ARHGAP15: variants seen among roughly 807,000 people sequenced by gnomAD.
The protein encoded by ARHGAP15 is Rho GTPase activating protein 15.
ARHGAP15 carries 51 observed loss-of-function variants against 63.7 expected under a neutral mutation model. The observed-to-expected ratio is 0.80, with a 90% CI of 0.64 to 1.01. The LOEUF is 1.01. Ranked by LOEUF, ARHGAP15 falls within the 50% of genes least tolerant of loss-of-function variation. The pLI, the probability that ARHGAP15 is intolerant of heterozygous loss-of-function variation, is 0.00. For synonymous variants in ARHGAP15, 191 were observed against 193.8 expected (o/e 0.99, Z 0.12); for missense variants, 560 against 564.6 (o/e 0.99, Z 0.08).
chr2:143,703,400 T>A lies in ARHGAP15; in HGVS notation c.1139-19T>A, dbSNP rs780357241. 4 of 1,592,952 alleles carry A rather than the reference T, an allele frequency of 2.5e-6. No homozygotes were observed. The highest frequency in any genetic ancestry group is 2.6e-6 in the Non-Finnish European group (3 of 1,172,870). On this transcript the variant is annotated intron_variant, in intron 12 of 13. Transcript: ENST00000295095. ...AATCTTGTTTTTTCCCTAACCTTCC[T>A]TTTTATTTTTTTTTCCAGAAAAGCA...
At chr2:143,629,986 C>G (rs889969167) in intron 12 of ARHGAP15, among the ~76,000 whole-genome samples, 4 of 152,066 alleles carry the variant, frequency 2.6e-5, no homozygotes, top group Non-Finnish European at 5.9e-5. Flanking sequence ...TTGTATATTG[C>G]CTTGAGCAAT....
chr2:143,197,445 T>G (rs962266653), intron 2 of ARHGAP15, among the ~76,000 whole-genome samples: 6 of 151,684 alleles, frequency 4.0e-5, no homozygotes, highest in Non-Finnish European at 7.4e-5. Flanking sequence ...TAGGAGAGAC[T>G]TTTTTCCCTT....
intron 12 of ARHGAP15, among the ~76,000 whole-genome samples, chr2:143,669,263 A>T (rs1014901543): frequency 1.3e-5 from 2 of 152,198 alleles, no homozygotes; most frequent in South Asian, 2.1e-4. Flanking sequence ...CTTGTGTTCA[A>T]ACTTCACCTG....
intron 4 of ARHGAP15, among the ~76,000 whole-genome samples, chr2:143,225,504 G>A (rs1355532002): frequency 6.6e-6 from 1 of 152,170 alleles, no homozygotes; most frequent in Non-Finnish European, 1.5e-5. Context: ...GGGAGGCTGA[G>A]GCAGGAGAAT....
intron 12 of ARHGAP15, among the ~76,000 whole-genome samples, chr2:143,629,573 A>G (rs1208172289): frequency 6.6e-6 from 1 of 152,164 alleles, no homozygotes; most frequent in East Asian, 1.9e-4. Flanking sequence ...GAAATGTACT[A>G]ACTTTACCAC....
intron 12 of ARHGAP15, among the ~76,000 whole-genome samples, chr2:143,670,650 T>C (rs1682473265): frequency 6.6e-6 from 1 of 152,160 alleles, no homozygotes; most frequent in African/African-American, 2.4e-5. Context: ...CCTACCACCT[T>C]AGACCAAATT....
At chr2:143,145,465 A>G (rs1689544042) in intron 1 of ARHGAP15, among the ~76,000 whole-genome samples, 1 of 151,940 alleles carries the variant, frequency 6.6e-6, no homozygotes. Context: ...TCCTTTGTGG[A>G]TAATTGAGCT....
At chr2:143,676,897 A>C (rs977949044) in intron 12 of ARHGAP15, among the ~76,000 whole-genome samples, 2 of 152,264 alleles carry the variant, frequency 1.3e-5, no homozygotes, top group African/African-American at 4.8e-5. Flanking sequence ...AAACAAAAAA[A>C]CCCTCAATAT....
At chr2:143,732,336 T>A (rs1206683409) in intron 13 of ARHGAP15, among the ~76,000 whole-genome samples, 1 of 152,258 alleles carries the variant, frequency 6.6e-6, no homozygotes, top group Non-Finnish European at 1.5e-5. Flanking sequence ...TTTGGAATAC[T>A]ACCTTCATCC....
At chr2:143,713,980 G>T (rs922364172) in intron 13 of ARHGAP15, among the ~76,000 whole-genome samples, 1 of 152,108 alleles carries the variant, frequency 6.6e-6, no homozygotes. Flanking sequence ...ACCATTCTGG[G>T]GTCTGGAGGA....
intron 6 of ARHGAP15, among the ~76,000 whole-genome samples, chr2:143,258,117 TA>T: frequency 6.6e-6 from 1 of 152,164 alleles, no homozygotes; most frequent in African/African-American, 2.4e-5. Context: ...AGCTTGTCCA[TA>T]AGGATGACAC....
At chr2:143,433,335 G>A (rs1413806386) in intron 6 of ARHGAP15, among the ~76,000 whole-genome samples, 1 of 152,038 alleles carries the variant, frequency 6.6e-6, no homozygotes, top group East Asian at 1.9e-4. Context: ...GAGAGCAGTA[G>A]CAGACTTCTC....
chr2:143,693,723 ATAGT>A (rs1211674798), intron 12 of ARHGAP15, among the ~76,000 whole-genome samples: 3 of 152,210 alleles, frequency 2.0e-5, no homozygotes, highest in Non-Finnish European at 4.4e-5. Context: ...TAGGACGTTG[ATAGT>A]TAGGGATAGA....
At chr2:143,321,397 A>G (rs1421534448) in intron 6 of ARHGAP15, among the ~76,000 whole-genome samples, 2 of 152,244 alleles carry the variant, frequency 1.3e-5, no homozygotes, top group Non-Finnish European at 2.9e-5. Flanking sequence ...ATTTATAAAC[A>G]GTTTTGCTCT....
intron 1 of ARHGAP15, among the ~76,000 whole-genome samples, chr2:143,145,542 A>C (rs1485754969): frequency 1.3e-5 from 2 of 152,036 alleles, no homozygotes; most frequent in Non-Finnish European, 2.9e-5. Flanking sequence ...GTTGATAACA[A>C]TCTGCAAATC....
intron 13 of ARHGAP15, among the ~76,000 whole-genome samples, chr2:143,749,004 G>A (rs2105522351): frequency 6.6e-6 from 1 of 152,060 alleles, no homozygotes; most frequent in East Asian, 1.9e-4. Context: ...TTTTGAGAGG[G>A]GGAAAAAAAT....
chr2:143,189,502 CT>C (rs771848951), intron 2 of ARHGAP15, among the ~76,000 whole-genome samples: 427 of 140,098 alleles, frequency 3.0e-3, no homozygotes, highest in Middle Eastern at 3.9e-3. Flanking sequence ...TTCTTTCTTT[CT>C]TTTTTTTTTT....
At chr2:143,243,022 C>A (rs531006479) in intron 5 of ARHGAP15, among the ~76,000 whole-genome samples, 1 of 152,126 alleles carries the variant, frequency 6.6e-6, no homozygotes, top group Non-Finnish European at 1.5e-5. Flanking sequence ...AAAATCCGAG[C>A]TTTGTCTCTC....
At chr2:143,487,949 G>T (rs1692401900) in intron 9 of ARHGAP15, among the ~76,000 whole-genome samples, 1 of 152,198 alleles carries the variant, frequency 6.6e-6, no homozygotes, top group Non-Finnish European at 1.5e-5. Context: ...GTGCTAGGAA[G>T]AAAGTCTAAG....
Sources: allele counts gnomAD v4.1 joint callset (sites outside exome capture counted in the v4.1 genomes callset), GRCh38; gene constraint gnomAD v4.1.1; transcripts MANE v1.5; gene names NCBI Gene and HGNC (gene_info 2026-07-23, HGNC 2026-07-21).